The following WWOX variants were observed in gnomAD, a reference collection of about 807,000 sequenced individuals.
WWOX encodes WW domain-containing oxidoreductase.
In WWOX, 69 loss-of-function variants were observed where a neutral mutation model predicts 46.2. The ratio of observed to expected loss-of-function variants is 1.49; its 90% CI spans 1.23 to 1.82. The LOEUF is 1.82. Ranked by LOEUF, WWOX falls within the 40% of genes most tolerant of loss-of-function variation. WWOX has a pLI of 0.00. For missense variants in WWOX, 919 were observed against 542.6 expected (o/e 1.69, Z -6.89); for synonymous variants, 359 against 202.6 (o/e 1.77, Z -6.56).
At chr16:78,441,044 G>A (rs2083433871) in intron 8 of WWOX, among the ~76,000 whole-genome samples, 1 of 152,170 alleles carries the variant, frequency 6.6e-6, no homozygotes, top group Non-Finnish European at 1.5e-5. Flanking sequence ...CCAGGTTCAA[G>A]CGATTCTCCT....
chr16:78,335,981 A>T (rs997261174), intron 5 of WWOX, among the ~76,000 whole-genome samples: 2 of 152,078 alleles, frequency 1.3e-5, no homozygotes, highest in African/African-American at 2.4e-5. Context: ...AGTCCCAGCT[A>T]TTTGGAAGGC....
In WWOX at chr16:78,715,882, G is replaced by T. The variant is rs927151220; in HGVS notation, c.1056+283130G>T. 3.9e-5 allele frequency among the ~76,000 whole-genome samples: 6 copies of T among 152,158 alleles called. No individual in the cohort carries two copies. The South Asian group carries it at 6.2e-4, about 16-fold the overall frequency. On this transcript the variant is annotated intron_variant, in intron 8 of 8. Transcript: ENST00000566780. The stretch of plus-strand genomic sequence containing the variant: ...GGCTGTGTCACATGACCCCTGAGCT[G>T]CAAGGAATGCTGGGATACGATGGAA...
chr16:78,362,161 T>C (rs1567525252), intron 5 of WWOX, among the ~76,000 whole-genome samples: 3 of 152,150 alleles, frequency 2.0e-5, no homozygotes, highest in South Asian at 4.2e-4. Context: ...TTTTGAACAG[T>C]TGAAGGTCTG....
Position 78,968,136 on chromosome 16 carries a change from TGTGGCACAGCGCGTGGTCCGC to T in WWOX, c.1057-243453_1057-243433del, listed in dbSNP as rs2046399563. ...TCCGCGTGGCACAGCGCGTGGTCCG[TGTGGCACAGCGCGTGGTCCGC>T]GTGGCACAGCGCGTGGTCTGCGTGG... is the stretch of plus-strand genomic sequence containing the variant. On this transcript the variant is annotated intron_variant, in intron 8 of 8. Coordinates refer to ENST00000566780, the MANE Select transcript of WWOX (RefSeq NM_016373.4). Among the ~76,000 whole-genome samples, 9 of 46,332 alleles carry T rather than the reference TGTGGCACAGCGCGTGGTCCGC, an allele frequency of 1.9e-4. No individual in the cohort carries two copies. In the South Asian group the frequency reaches 2.8e-3, roughly 14 times the overall value. 30.4% of individuals were successfully genotyped at this position (46,332 alleles called of 152,430 possible). A position where few individuals can be genotyped will look rare whatever the true frequency, so the allele number is the denominator to read the frequency against.
At chr16:79,187,893 C>CGAA (rs2051050813) in intron 8 of WWOX, among the ~76,000 whole-genome samples, 1 of 152,194 alleles carries the variant, frequency 6.6e-6, no homozygotes, top group Non-Finnish European at 1.5e-5. Flanking sequence ...TGAATGAATT[C>CGAA]TTCTGAGCTG....
At chr16:78,574,239 C>T (rs1248744454) in intron 8 of WWOX, among the ~76,000 whole-genome samples, 1 of 152,100 alleles carries the variant, frequency 6.6e-6, no homozygotes, top group Admixed American at 6.5e-5. Flanking sequence ...TCTTACATGC[C>T]CAATGTAATC....
At chr16:79,152,357 G>C (rs1472004362) in intron 8 of WWOX, among the ~76,000 whole-genome samples, 1 of 152,094 alleles carries the variant, frequency 6.6e-6, no homozygotes, top group Non-Finnish European at 1.5e-5. Context: ...AAGCCAAGGG[G>C]AAGACAGTTA....
At position 78,844,908 on chromosome 16, in the gene WWOX, T is replaced by C. The variant is rs981118637; in HGVS notation, c.1057-366700T>C. On this transcript the variant is annotated intron_variant, in intron 8 of 8. Coordinates refer to ENST00000566780, the MANE Select transcript of WWOX (RefSeq NM_016373.4). Reference sequence around the variant, plus strand: ...CAAAGTGGCCAGAGCTAGTGGTTGCTGACTCTCAGGATCTTTGGCCCTGAG... The same window carrying C: ...CAAAGTGGCCAGAGCTAGTGGTTGCCGACTCTCAGGATCTTTGGCCCTGAG... 2.0e-5 allele frequency among the ~76,000 whole-genome samples: 3 copies of C among 152,194 alleles called. No homozygotes were observed. The South Asian group carries it at 6.2e-4, about 32-fold the overall frequency.
intron 5 of WWOX, among the ~76,000 whole-genome samples, chr16:78,179,117 A>C (rs2035447133): frequency 6.6e-6 from 1 of 152,178 alleles, no homozygotes; most frequent in African/African-American, 2.4e-5. Flanking sequence ...GGGAGACAGA[A>C]ACACAGAAAT....
intron 8 of WWOX, among the ~76,000 whole-genome samples, chr16:78,835,026 C>T (rs570616787): frequency 1.3e-5 from 2 of 152,156 alleles, no homozygotes; most frequent in African/African-American, 4.8e-5. Flanking sequence ...AATTTCCACT[C>T]AAATTTTTAA....
chr16:78,524,462 C>G (rs935625398), intron 8 of WWOX, among the ~76,000 whole-genome samples: 10 of 151,470 alleles, frequency 6.6e-5, no homozygotes, highest in African/African-American at 1.9e-4. Flanking sequence ...GCTCTTTTGC[C>G]CAAGCTGGAG....
chr16:78,769,954 G>A (rs1049034440), intron 8 of WWOX, among the ~76,000 whole-genome samples: 2 of 152,164 alleles, frequency 1.3e-5, no homozygotes, highest in African/African-American at 4.8e-5. Context: ...TGAAGCAGGA[G>A]GATCGCTTGA....
intron 8 of WWOX, among the ~76,000 whole-genome samples, chr16:78,579,855 A>T (rs1052971060): frequency 2.6e-5 from 4 of 152,156 alleles, no homozygotes; most frequent in African/African-American, 4.8e-5. Flanking sequence ...TTCTGAAATG[A>T]GGCTGCCTCG....
At chr16:78,259,665 C>T (rs1440641765) in intron 5 of WWOX, among the ~76,000 whole-genome samples, 1 of 151,426 alleles carries the variant, frequency 6.6e-6, no homozygotes, top group African/African-American at 2.4e-5. Context: ...TATTAATACA[C>T]AAGGTTGAGA....
chr16:78,222,446 T>C lies in WWOX; in HGVS notation c.516+58157T>C, dbSNP rs543580590. ...CATGTCCTGTAATGAGTGTGCCATT[T>C]GCTCACTGGGAGGAGAAAAAAATGA... On this transcript the variant is annotated intron_variant, in intron 5 of 8. Coordinates refer to ENST00000566780, the MANE Select transcript of WWOX (RefSeq NM_016373.4). Among the ~76,000 whole-genome samples the C allele has an allele frequency of 2.8e-4, 43 of 152,170 alleles. 1 individual carries two copies. The highest frequency in any genetic ancestry group is 1.4e-3 in the Admixed American group (21 of 15,288).
chr16:78,647,684 C>G (rs2046876229), intron 8 of WWOX, among the ~76,000 whole-genome samples: 1 of 152,196 alleles, frequency 6.6e-6, no homozygotes, highest in Non-Finnish European at 1.5e-5. Context: ...CCTTCTTATA[C>G]CTCAAAATAG....
intron 8 of WWOX, among the ~76,000 whole-genome samples, chr16:78,919,465 CA>C (rs1454757429): frequency 2.6e-5 from 4 of 151,788 alleles, no homozygotes; most frequent in African/African-American, 4.8e-5. Flanking sequence ...TACCTTCTAA[CA>C]GCAATCAGTC....
At chr16:78,263,184 G>A (rs776112354) in intron 5 of WWOX, among the ~76,000 whole-genome samples, 1 of 152,188 alleles carries the variant, frequency 6.6e-6, no homozygotes, top group South Asian at 2.1e-4. Flanking sequence ...AGGTTGCAGT[G>A]AGCCAAGATT....
intron 5 of WWOX, among the ~76,000 whole-genome samples, chr16:78,333,230 G>C (rs544299456): frequency 1.9e-4 from 29 of 151,092 alleles, no homozygotes; most frequent in African/African-American, 6.3e-4. Context: ...TTTCATTTTT[G>C]GTAGAGACGG....
Sources: gnomAD v4.1 joint callset for allele counts (sites outside exome capture counted in the v4.1 genomes callset) on GRCh38, gnomAD v4.1.1 for gene constraint, MANE v1.5 for transcripts, NCBI Gene and HGNC (gene_info 2026-07-23, HGNC 2026-07-21) for gene names.